Variants in SETBP1 observed in about 807,000 individuals in gnomAD.
The protein encoded by SETBP1 is SET binding protein 1.
SETBP1 carries 9 observed loss-of-function variants against 101.0 expected under a neutral mutation model. That is an observed-to-expected ratio of 0.09 (90% CI 0.05 to 0.16). The LOEUF is 0.16. SETBP1 is among the 10% of genes least tolerant of loss of function. SETBP1 has a pLI of 1.00. For missense variants in SETBP1, 1,858 were observed against 2,033.8 expected (o/e 0.91, Z 1.66); for synonymous variants, 818 against 788.5 (o/e 1.04, Z -0.63).
At position 44,988,376 on chromosome 18, in the gene SETBP1, T is replaced by A. The variant is rs929960125; in HGVS notation, c.4000+35036T>A. On this transcript the variant is annotated intron_variant, in intron 4 of 5. Transcript: ENST00000649279. ...GTCAGTGGGTCATTGTGTATTGACG[T>A]TGGGATTAAAATAATATAAAAGGTT... is the stretch of plus-strand genomic sequence containing the variant. The A allele has an allele frequency of 2.6e-5, 4 of 152,296 alleles. No homozygotes were observed. The East Asian group carries it at 7.7e-4, about 29-fold the overall frequency. The allele number at this position is 152,296 out of a possible 1,614,324, so 9.4% of individuals were successfully genotyped here.
intron 3 of SETBP1, among the ~76,000 whole-genome samples, chr18:44,887,164 T>C (rs1309609129): frequency 6.6e-6 from 1 of 152,102 alleles, no homozygotes; most frequent in Non-Finnish European, 1.5e-5. Flanking sequence ...TCCCTTTGAG[T>C]GTTACTGGAA....
At chr18:44,765,244 A>G (rs12970746) in intron 2 of SETBP1, among the ~76,000 whole-genome samples, 1 of 151,614 alleles carries the variant, frequency 6.6e-6, no homozygotes, top group Non-Finnish European at 1.5e-5. Flanking sequence ...AGGTAGATGT[A>G]CCTTTCCCTC....
At chr18:44,801,061 C>T (rs1317900996) in intron 2 of SETBP1, among the ~76,000 whole-genome samples, 1 of 152,058 alleles carries the variant, frequency 6.6e-6, no homozygotes, top group Non-Finnish European at 1.5e-5. Flanking sequence ...TGTTCTCACT[C>T]ATAGGTGGGA....
chr18:44,896,105 CG>C (rs2069896639), intron 3 of SETBP1, among the ~76,000 whole-genome samples: 1 of 152,060 alleles, frequency 6.6e-6, no homozygotes, highest in Admixed American at 6.5e-5. Flanking sequence ...TTAACTTTGC[CG>C]GTTGTCAGTT....
intron 2 of SETBP1, among the ~76,000 whole-genome samples, chr18:44,804,220 G>A (rs1275502346): frequency 6.6e-6 from 1 of 152,152 alleles, no homozygotes; most frequent in Non-Finnish European, 1.5e-5. Context: ...GGTTGTGCAA[G>A]TCTGTGAGTC....
At chr18:45,061,645 T>C (rs762660910) in intron 5 of SETBP1, among the ~76,000 whole-genome samples, 11 of 152,164 alleles carry the variant, frequency 7.2e-5, no homozygotes, top group Non-Finnish European at 1.2e-4. Flanking sequence ...CCTGGCAATC[T>C]GTGCTGGGCA....
At chr18:44,975,682 C>A (rs2071970534) in intron 4 of SETBP1, among the ~76,000 whole-genome samples, 1 of 152,172 alleles carries the variant, frequency 6.6e-6, no homozygotes, top group African/African-American at 2.4e-5. Flanking sequence ...CTTCGCATAG[C>A]TTTCAACATA....
chr18:44,719,168 G>A (rs909531866), intron 2 of SETBP1, among the ~76,000 whole-genome samples: 2 of 152,068 alleles, frequency 1.3e-5, no homozygotes, highest in Non-Finnish European at 2.9e-5. Flanking sequence ...TTTGGAAGAC[G>A]GAACAGAATC....
chr18:44,995,787 G>C (rs1313736347), intron 4 of SETBP1, among the ~76,000 whole-genome samples: 1 of 152,106 alleles, frequency 6.6e-6, no homozygotes, highest in Non-Finnish European at 1.5e-5. Context: ...TCACAGGACA[G>C]AATAGCAGAA....
intron 3 of SETBP1, among the ~76,000 whole-genome samples, chr18:44,920,369 T>A (rs1342803578): frequency 1.3e-5 from 2 of 152,216 alleles, no homozygotes; most frequent in Non-Finnish European, 2.9e-5. Flanking sequence ...ACTGCCCTAC[T>A]CATCCGTGTA....
intron 2 of SETBP1, among the ~76,000 whole-genome samples, chr18:44,719,942 G>A (rs1240768442): frequency 6.6e-6 from 1 of 152,198 alleles, no homozygotes; most frequent in African/African-American, 2.4e-5. Flanking sequence ...CATGTGAGAA[G>A]ATGTCAAATC....
At chr18:44,960,186 C>T (rs150622764) in intron 4 of SETBP1, among the ~76,000 whole-genome samples, 9 of 152,026 alleles carry the variant, frequency 5.9e-5, no homozygotes, top group South Asian at 2.1e-4. Context: ...CATGAGCCAC[C>T]GTGACCAGCC....
In SETBP1 at chr18:45,027,379, TCTAA is replaced by T. The variant is rs2073188329; in HGVS notation, c.4001-11102_4001-11099del. 3.9e-5 allele frequency among the ~76,000 whole-genome samples: 6 copies of T among 152,286 alleles called. No individual in the cohort carries two copies. In the South Asian group the frequency reaches 1.0e-3, roughly 26 times the overall value. On this transcript the variant is annotated intron_variant, in intron 4 of 5. Transcript: ENST00000649279. ...AGATTCCAAGTCTTGTCCAAGTTCA[TCTAA>T]CTATCATGGGGAAGAGCTTGCAATA...
chr18:44,694,180 T>G (rs1229098678), intron 1 of SETBP1, among the ~76,000 whole-genome samples: 1 of 152,218 alleles, frequency 6.6e-6, no homozygotes, highest in Non-Finnish European at 1.5e-5. Flanking sequence ...TCCAGATTTT[T>G]TAAAAGCACT....
At chr18:44,760,038 T>C (rs2070603760) in intron 2 of SETBP1, among the ~76,000 whole-genome samples, 1 of 152,192 alleles carries the variant, frequency 6.6e-6, no homozygotes, top group Admixed American at 6.5e-5. Context: ...AGCTGAGCAT[T>C]GTCAGGAGTT....
chr18:44,687,285 T>C lies in SETBP1; in HGVS notation c.-173+6264T>C, dbSNP rs149469510. 2.1e-4 allele frequency among the ~76,000 whole-genome samples: 32 copies of C among 152,362 alleles called. 1 individual carries two copies. The highest frequency in any genetic ancestry group is 7.5e-4 in the African/African-American group (31 of 41,590). The stretch of plus-strand genomic sequence containing the variant: ...GAGTGTCCCTTCTAAAATTCTGTGA[T>C]TCTATAGCTAGAGGTGTCCTAGGAA... On this transcript the variant is annotated intron_variant, in intron 1 of 5. Coordinates refer to ENST00000649279, the MANE Select transcript of SETBP1 (RefSeq NM_015559.3).
chr18:44,868,706 GGAAGGGAGGA>G (rs546370684), intron 2 of SETBP1, among the ~76,000 whole-genome samples: 1,408 of 17,590 alleles, frequency 0.08, 98 homozygotes, highest in African/African-American at 0.15. Flanking sequence ...GAGGACGGAA[GGAAGGGAGGA>G]AGGAAGGAAG....
chr18:44,874,889 CTG>C (rs2069361234), intron 3 of SETBP1, among the ~76,000 whole-genome samples: 1 of 152,154 alleles, frequency 6.6e-6, no homozygotes, highest in Non-Finnish European at 1.5e-5. Context: ...GAAGGTATGA[CTG>C]TGGAGTTTCT....
intron 2 of SETBP1, among the ~76,000 whole-genome samples, chr18:44,863,034 T>C (rs2069049673): frequency 2.0e-5 from 3 of 152,240 alleles, no homozygotes; most frequent in African/African-American, 7.2e-5. Flanking sequence ...CTGTTTTGTA[T>C]GACAGTGTTT....
Sources: gnomAD v4.1 joint callset for allele counts (sites outside exome capture counted in the v4.1 genomes callset) on GRCh38, gnomAD v4.1.1 for gene constraint, MANE v1.5 for transcripts, NCBI Gene and HGNC (gene_info 2026-07-23, HGNC 2026-07-21) for gene names.